The following INSL6 variants were observed in gnomAD, a reference collection of about 807,000 sequenced individuals.
INSL6 encodes insulin like 6, also known as insulin-like peptide INSL6.
INSL6 carries 16 observed loss-of-function variants against 9.4 expected under a neutral mutation model. That is an observed-to-expected ratio of 1.70 (90% CI 1.15 to 2.59). The LOEUF (loss-of-function observed/expected upper bound fraction) is 2.59. Ranked by LOEUF, INSL6 falls within the 30% of genes most tolerant of loss-of-function variation. The pLI, the probability that INSL6 is intolerant of heterozygous loss-of-function variation, is 0.00. For synonymous variants in INSL6, 154 were observed against 96.9 expected, an observed-to-expected ratio of 1.59 and a Z score of -3.46; for missense variants, 391 against 257.3, an observed-to-expected ratio of 1.52 and a Z score of -3.56.
intron 2 of INSL6, among the ~76,000 whole-genome samples, chr9:5,146,485 T>C (rs1180179982): frequency 6.6e-6 from 1 of 151,936 alleles, no homozygotes; most frequent in Non-Finnish European, 1.5e-5. Flanking sequence ...TGGTTTGGGG[T>C]GGGGTGCTGG....
chr9:5,065,389 T>G, the INSL6 span, among the ~76,000 whole-genome samples: 1 of 152,200 alleles, frequency 6.6e-6, no homozygotes, highest in African/African-American at 2.4e-5. Context: ...TTGAAAATTC[T>G]TTATGTTTGG....
the INSL6 span, among the ~76,000 whole-genome samples, chr9:5,017,604 T>C: frequency 6.6e-6 from 1 of 152,236 alleles, no homozygotes; most frequent in Non-Finnish European, 1.5e-5. Flanking sequence ...TCCTTTTTGA[T>C]GTAGGTATTT....
the INSL6 span, among the ~76,000 whole-genome samples, chr9:5,005,040 T>C: frequency 0.96 from 141,036 of 147,422 alleles, 67,527 homozygotes; most frequent in East Asian, 1. Context: ...CTTCAGCCTC[T>C]TGAGTAGTTG....
the INSL6 span, chr9:5,068,961 A>G: frequency 2.1e-6 from 2 of 941,244 alleles, no homozygotes; most frequent in Admixed American, 2.6e-5. Flanking sequence ...TTTTGTCAGA[A>G]TAATCACTGT....
At chr9:5,171,369 G>A (rs1262613957) in intron 1 of INSL6, among the ~76,000 whole-genome samples, 1 of 152,112 alleles carries the variant, frequency 6.6e-6, no homozygotes, top group Non-Finnish European at 1.5e-5. Context: ...CAAACCCACG[G>A]CCAAATATCA....
At chr9:5,042,002 A>G in the INSL6 span, 1 of 347,774 alleles carries the variant, frequency 2.9e-6, no homozygotes, top group Non-Finnish European at 5.6e-6. Context: ...CTTGGGGCCC[A>G]CCCACAGCGG....
the INSL6 span, among the ~76,000 whole-genome samples, chr9:5,028,063 A>C: frequency 6.6e-6 from 1 of 152,196 alleles, no homozygotes; most frequent in African/African-American, 2.4e-5. Flanking sequence ...CTCTTTCCAT[A>C]AGTTTTTTTA....
the INSL6 span, among the ~76,000 whole-genome samples, chr9:5,020,769 G>T: frequency 6.6e-6 from 1 of 152,136 alleles, no homozygotes; most frequent in East Asian, 1.9e-4. Flanking sequence ...AATGGCTTGT[G>T]CTTTGGTCCC....
intron 2 of INSL6, among the ~76,000 whole-genome samples, chr9:5,139,829 C>T (rs1169400719): frequency 6.6e-6 from 1 of 152,106 alleles, no homozygotes; most frequent in Non-Finnish European, 1.5e-5. Context: ...AAGAAATGAG[C>T]CTAGGTTGTA....
At chr9:5,080,942 C>T in the INSL6 span, among the ~76,000 whole-genome samples, 4 of 128,016 alleles carry the variant, frequency 3.1e-5, no homozygotes, top group Admixed American at 9.4e-5. Context: ...GTCGCCCAGG[C>T]TGGAGTGCAG....
At chr9:5,047,977 A>C in the INSL6 span, among the ~76,000 whole-genome samples, 1 of 152,256 alleles carries the variant, frequency 6.6e-6, no homozygotes, top group African/African-American at 2.4e-5. Flanking sequence ...AGTATTTATT[A>C]TGTTTTGGCA....
chr9:5,108,023 T>C, the INSL6 span: 1 of 152,162 alleles, frequency 6.6e-6, no homozygotes, highest in African/African-American at 2.4e-5. Context: ...AGCCTACTTA[T>C]CAGCCTCATC....
At chr9:5,107,483 T>C in the INSL6 span, among the ~76,000 whole-genome samples, 1 of 152,056 alleles carries the variant, frequency 6.6e-6, no homozygotes, top group Non-Finnish European at 1.5e-5. Context: ...CTAACAACAA[T>C]AATCACCACA....
At chr9:5,168,389 G>A (rs571732496) in intron 1 of INSL6, among the ~76,000 whole-genome samples, 4 of 152,294 alleles carry the variant, frequency 2.6e-5, no homozygotes, top group African/African-American at 9.6e-5. Flanking sequence ...CAAGTAACCT[G>A]ATGGAGCTGA....
chr9:5,011,888 C>G, the INSL6 span, among the ~76,000 whole-genome samples: 2 of 152,272 alleles, frequency 1.3e-5, no homozygotes, highest in East Asian at 1.9e-4. Flanking sequence ...TCTTATTCTT[C>G]AAGTGTGGCT....
At chr9:5,044,388 T>C in the INSL6 span, 5 of 1,541,726 alleles carry the variant, frequency 3.2e-6, no homozygotes, top group Non-Finnish European at 4.5e-6. Context: ...ACCAAATGTT[T>C]TTATTATCTT....
intron 2 of INSL6, among the ~76,000 whole-genome samples, chr9:5,154,092 C>G (rs995064524): frequency 1.3e-5 from 2 of 152,132 alleles, no homozygotes; most frequent in Non-Finnish European, 2.9e-5. Context: ...GCTACAGTAA[C>G]AGAAACAGCA....
intron 2 of INSL6, among the ~76,000 whole-genome samples, chr9:5,158,485 G>T (rs7046675): frequency 0.024 from 3,664 of 152,182 alleles, 147 homozygotes; most frequent in African/African-American, 0.083. Context: ...CAAGAGAAAA[G>T]AAACAAACAA....
At chr9:5,174,999 G>C (rs1371419605) in intron 1 of INSL6, among the ~76,000 whole-genome samples, 3 of 151,734 alleles carry the variant, frequency 2.0e-5, no homozygotes, top group Non-Finnish European at 4.4e-5. Flanking sequence ...GAGTGCCGTG[G>C]CGTTATCTCG....
Sources: allele counts gnomAD v4.1 joint callset (sites outside exome capture counted in the v4.1 genomes callset), GRCh38; gene constraint gnomAD v4.1.1; transcripts MANE v1.5; gene names NCBI Gene and HGNC (gene_info 2026-07-23, HGNC 2026-07-21).